TANGO6: variants seen among roughly 807,000 people sequenced by gnomAD.
The protein encoded by TANGO6 is transport and golgi organization 6 homolog.
A neutral mutation model predicts 114.2 loss-of-function variants in TANGO6; 90 were observed. The ratio of observed to expected loss-of-function variants is 0.79; its 90% CI spans 0.66 to 0.94. TANGO6 has a LOEUF of 0.94. Among genes scored for constraint, TANGO6 ranks in the 40% least tolerant of loss-of-function variants. The pLI is 0.00. For missense variants in TANGO6, 1,274 were observed against 1,315.3 expected (o/e 0.97, Z 0.49); for synonymous variants, 477 against 509.8 (o/e 0.94, Z 0.87).
At chr16:68,869,300 A>G (rs1962229227) in intron 4 of TANGO6, among the ~76,000 whole-genome samples, 1 of 152,192 alleles carries the variant, frequency 6.6e-6, no homozygotes, top group African/African-American at 2.4e-5. Context: ...CAACATGGGG[A>G]AACCCCATCT....
At chr16:68,930,116 C>A in intron 13 of TANGO6, 122 bp from the exon 14 acceptor site, 2 of 763,030 alleles carry the variant, frequency 2.6e-6, no homozygotes, top group South Asian at 1.8e-5. Context: ...TCTGTCAGAC[C>A]AGTTTCTACC....
intron 5 of TANGO6, 114 bp from the exon 6 acceptor site, chr16:68,878,004 G>A: frequency 1.2e-6 from 1 of 819,226 alleles, no homozygotes; most frequent in South Asian, 2.1e-5. Context: ...TGTTGAATCA[G>A]TGTTATTGAG....
intron 17 of TANGO6, among the ~76,000 whole-genome samples, chr16:69,064,953 G>A (rs1351245923): frequency 6.6e-6 from 1 of 152,174 alleles, no homozygotes; most frequent in Non-Finnish European, 1.5e-5. Context: ...AAACAATGAA[G>A]CCTGTTCCCC....
intron 16 of TANGO6, among the ~76,000 whole-genome samples, chr16:69,027,538 A>AC (rs1959522733): frequency 6.6e-6 from 1 of 152,120 alleles, no homozygotes. Flanking sequence ...TTTTAGATGG[A>AC]TTTAGCAAAT....
intron 17 of TANGO6, among the ~76,000 whole-genome samples, chr16:69,051,269 G>A (rs555627598): frequency 2.0e-5 from 3 of 152,142 alleles, no homozygotes; most frequent in South Asian, 2.1e-4. Context: ...GGCTGAGCAC[G>A]GTGGCTCACG....
intron 8 of TANGO6, among the ~76,000 whole-genome samples, chr16:68,900,869 A>C (rs1962773696): frequency 6.6e-6 from 1 of 152,204 alleles, no homozygotes; most frequent in South Asian, 2.1e-4. Context: ...GGAAGAAGGA[A>C]ATAGGGGATG....
chr16:68,856,848 G>T (rs970214308), intron 1 of TANGO6, among the ~76,000 whole-genome samples: 2 of 152,168 alleles, frequency 1.3e-5, no homozygotes, highest in African/African-American at 4.8e-5. Context: ...GGTGGCTCAT[G>T]CCTGTAATCC....
At chr16:68,938,985 T>G (rs1597029107) in intron 14 of TANGO6, among the ~76,000 whole-genome samples, 1 of 147,070 alleles carries the variant, frequency 6.8e-6, no homozygotes, top group South Asian at 2.1e-4. Context: ...GGCAGGAGGG[T>G]CTTTTGAGCC....
intron 17 of TANGO6, among the ~76,000 whole-genome samples, chr16:69,063,539 T>C (rs749207487): frequency 7.0e-6 from 1 of 142,110 alleles, no homozygotes; most frequent in Non-Finnish European, 1.5e-5. Flanking sequence ...AAAAAAAAAT[T>C]AGCCAGTGTG....
At chr16:69,037,613 G>A (rs1424773843) in intron 16 of TANGO6, among the ~76,000 whole-genome samples, 1 of 152,234 alleles carries the variant, frequency 6.6e-6, no homozygotes. Flanking sequence ...CCTATTTGGA[G>A]GTTGCCCAAG....
intron 6 of TANGO6, among the ~76,000 whole-genome samples, chr16:68,878,908 C>A (rs186864216): frequency 1.3e-5 from 2 of 151,314 alleles, no homozygotes; most frequent in Admixed American, 1.3e-4. Context: ...CCCGTCTTAA[C>A]CAAAAAACAG....
At chr16:69,057,754 A>G (rs1486600467) in intron 17 of TANGO6, among the ~76,000 whole-genome samples, 2 of 152,188 alleles carry the variant, frequency 1.3e-5, no homozygotes, top group Non-Finnish European at 2.9e-5. Flanking sequence ...GAATGATGAG[A>G]CAGTGATGGG....
At chr16:68,908,895 A>G (rs1962886769) in intron 10 of TANGO6, among the ~76,000 whole-genome samples, 3 of 152,184 alleles carry the variant, frequency 2.0e-5, no homozygotes, top group Non-Finnish European at 4.4e-5. Context: ...TTTTATATAC[A>G]TGGTATCATA....
chr16:68,959,091 G>T (rs529789053), intron 14 of TANGO6, among the ~76,000 whole-genome samples: 7 of 152,180 alleles, frequency 4.6e-5, no homozygotes, highest in Non-Finnish European at 8.8e-5. Flanking sequence ...GTTTATGTGT[G>T]TATTTTCATA....
At chr16:68,851,780 C>T (rs1050569574) in intron 1 of TANGO6, among the ~76,000 whole-genome samples, 3 of 152,106 alleles carry the variant, frequency 2.0e-5, no homozygotes, top group Admixed American at 2.0e-4. Context: ...TAGTTCCTAC[C>T]AACAATGTAT....
At chr16:68,962,844 G>A (rs1008365543) in intron 14 of TANGO6, among the ~76,000 whole-genome samples, 21 of 151,880 alleles carry the variant, frequency 1.4e-4, no homozygotes, top group Admixed American at 6.6e-5. Context: ...CACTTTGGGA[G>A]GTCGAGGCGG....
chr16:68,970,705 A>G (rs188586996), intron 14 of TANGO6, among the ~76,000 whole-genome samples: 38 of 152,192 alleles, frequency 2.5e-4, no homozygotes, highest in African/African-American at 9.1e-4. Flanking sequence ...AAACAACAGT[A>G]AGAGGGACTT....
chr16:68,924,329 G>A (rs1045277676), intron 12 of TANGO6, among the ~76,000 whole-genome samples: 2 of 152,208 alleles, frequency 1.3e-5, no homozygotes, highest in Non-Finnish European at 2.9e-5. Flanking sequence ...TTGGGAGGCC[G>A]AGGCAGGAGG....
intron 7 of TANGO6, among the ~76,000 whole-genome samples, chr16:68,885,256 C>T (rs1404415891): frequency 2.0e-5 from 3 of 152,086 alleles, no homozygotes; most frequent in East Asian, 1.9e-4. Context: ...CTCTTTTTTT[C>T]TCTCTCTCTT....
Sources: allele counts gnomAD v4.1 joint callset (sites outside exome capture counted in the v4.1 genomes callset), GRCh38; gene constraint gnomAD v4.1.1; transcripts MANE v1.5; gene names NCBI Gene and HGNC (gene_info 2026-07-23, HGNC 2026-07-21).